Variants in ZBTB20 observed in about 807,000 individuals in gnomAD.
ZBTB20 encodes zinc finger and BTB domain containing 20.
A neutral mutation model predicts 56.9 loss-of-function variants in ZBTB20; 9 were observed. That is an observed-to-expected ratio of 0.16 (90% confidence interval 0.10 to 0.28). The LOEUF is 0.28. Among genes scored for constraint, ZBTB20 ranks in the 10% least tolerant of loss-of-function variants. The pLI, the probability that ZBTB20 is intolerant of heterozygous loss-of-function variation, is 1.00. For synonymous variants in ZBTB20, 417 were observed against 420.7 expected (o/e 0.99, Z 0.11); for missense variants, 655 against 1,003.0 (o/e 0.65, Z 4.69).
At chr3:115,143,375 C>T (rs1484866351) in intron 1 of ZBTB20, among the ~76,000 whole-genome samples, 3 of 152,218 alleles carry the variant, frequency 2.0e-5, no homozygotes, top group African/African-American at 7.2e-5. Flanking sequence ...TTGATAAAAT[C>T]ACAACTGAAA....
rs189310074 is a variant in ZBTB20, at chr3:114,748,496, T to C, written c.-343+52605A>G. Reference sequence around the variant, plus strand: ...TTTCACGAGATCCTTTTAGAGGTTCTGACACAAATAAAGTAAAAGTAAACC... The same window carrying C: ...TTTCACGAGATCCTTTTAGAGGTTCCGACACAAATAAAGTAAAAGTAAACC... On this transcript the variant is annotated intron_variant, in intron 5 of 11. Coordinates refer to ENST00000675478, the MANE Select transcript of ZBTB20 (RefSeq NM_001348800.3). Among the ~76,000 whole-genome samples, 785 of 152,048 alleles carry C rather than the reference T, an allele frequency of 5.2e-3. 2 individuals are homozygous for C. Among genetic ancestry groups the C allele is most frequent in the Non-Finnish European group, 7.9e-3 (540 of 67,994 alleles).
intron 5 of ZBTB20, among the ~76,000 whole-genome samples, chr3:114,778,281 T>G (rs1389979082): frequency 5.5e-5 from 2 of 36,690 alleles, no homozygotes; most frequent in Non-Finnish European, 9.5e-5. Context: ...ATAATAATAA[T>G]ACACATTCAA....
At position 114,324,250 on chromosome 3, in the gene ZBTB20, A is replaced by G. The variant is rs1284421008; in HGVS notation, c.*14755T>C. 1.3e-5 allele frequency: 2 copies of G among 152,226 alleles called. No individual in the cohort carries two copies. The highest frequency in any genetic ancestry group is 6.5e-5 in the Admixed American group (1 of 15,278). 9.4% of individuals were successfully genotyped at this position (152,226 alleles called of 1,614,324 possible). ...AAAGGTCAGTAGTGGTTTTTACTTA[A>G]TAGTTTTCATCATGTCAGATGGCTC... On this transcript the variant is annotated 3_prime_UTR_variant, in exon 12 of 12. Transcript: ENST00000675478.
intron 6 of ZBTB20, among the ~76,000 whole-genome samples, chr3:114,523,304 G>C (rs950585763): frequency 6.6e-6 from 1 of 152,200 alleles, no homozygotes; most frequent in African/African-American, 2.4e-5. Context: ...TACTAGACTG[G>C]TAGGTGCAAA....
intron 5 of ZBTB20, among the ~76,000 whole-genome samples, chr3:114,732,427 A>T (rs1310936610): frequency 6.6e-6 from 1 of 152,120 alleles, no homozygotes; most frequent in African/African-American, 2.4e-5. Context: ...AACAACTGAG[A>T]AGATTTATAC....
At chr3:114,577,240 C>A (rs1006425290) in intron 6 of ZBTB20, among the ~76,000 whole-genome samples, 1 of 151,142 alleles carries the variant, frequency 6.6e-6, no homozygotes, top group African/African-American at 2.5e-5. Flanking sequence ...AATGATGTAT[C>A]TAACTATGTA....
intron 4 of ZBTB20, among the ~76,000 whole-genome samples, chr3:114,876,125 T>G (rs1029135126): frequency 5.9e-5 from 9 of 151,800 alleles, no homozygotes; most frequent in South Asian, 4.2e-4. Context: ...TAGTTTGTTT[T>G]TTTTTTTTTT....
intron 5 of ZBTB20, among the ~76,000 whole-genome samples, chr3:114,698,384 T>C (rs528863974): frequency 6.6e-6 from 1 of 152,068 alleles, no homozygotes; most frequent in African/African-American, 2.4e-5. Context: ...TTTAAATAAT[T>C]TCTTATGTCT....
intron 6 of ZBTB20, among the ~76,000 whole-genome samples, chr3:114,613,134 T>C (rs757389676): frequency 2.3e-4 from 35 of 152,082 alleles, no homozygotes; most frequent in Non-Finnish European, 3.2e-4. Context: ...CACAGTTCCA[T>C]GAAGGAAAAG....
chr3:114,942,266 G>A (rs2076746033), intron 3 of ZBTB20, among the ~76,000 whole-genome samples: 1 of 145,776 alleles, frequency 6.9e-6, no homozygotes, highest in African/African-American at 2.8e-5. Flanking sequence ...TATAAATAAT[G>A]TTATTTTTGG....
intron 5 of ZBTB20, among the ~76,000 whole-genome samples, chr3:114,700,989 T>G (rs2063356561): frequency 6.6e-6 from 1 of 152,138 alleles, no homozygotes; most frequent in African/African-American, 2.4e-5. Flanking sequence ...ATTTAATAAT[T>G]TCAATGAGAG....
intron 2 of ZBTB20, among the ~76,000 whole-genome samples, chr3:115,006,712 T>G (rs1488728990): frequency 6.6e-6 from 1 of 151,784 alleles, no homozygotes; most frequent in South Asian, 2.1e-4. Context: ...GAGCCTCTTC[T>G]ACAGCATCAA....
intron 7 of ZBTB20, among the ~76,000 whole-genome samples, 156 bp downstream of exon 7, chr3:114,500,196 C>T (rs1469708539): frequency 6.6e-6 from 1 of 152,182 alleles, no homozygotes; most frequent in East Asian, 1.9e-4. Flanking sequence ...AGTATTACCA[C>T]CAACAGCATA....
intron 7 of ZBTB20, among the ~76,000 whole-genome samples, chr3:114,422,197 C>T (rs1471568975): frequency 6.6e-6 from 1 of 152,156 alleles, no homozygotes; most frequent in Non-Finnish European, 1.5e-5. Flanking sequence ...ACATCGTCTG[C>T]TCAGTCTATA....
At chr3:114,561,715 T>C (rs1260543070) in intron 6 of ZBTB20, among the ~76,000 whole-genome samples, 1 of 152,020 alleles carries the variant, frequency 6.6e-6, no homozygotes, top group Non-Finnish European at 1.5e-5. Flanking sequence ...TTAACATAAT[T>C]CCTAAGAGCC....
intron 5 of ZBTB20, among the ~76,000 whole-genome samples, chr3:114,757,366 C>T (rs2068081738): frequency 6.6e-6 from 1 of 152,174 alleles, no homozygotes; most frequent in African/African-American, 2.4e-5. Flanking sequence ...ATAAGATATA[C>T]TTAGCAAAAG....
At chr3:114,380,162 T>C (rs2084139304) in intron 10 of ZBTB20, 55 bp downstream of exon 10, 3 of 1,437,922 alleles carry the variant, frequency 2.1e-6, no homozygotes, top group Non-Finnish European at 2.7e-6. Context: ...GAACCCAGGG[T>C]AGAAGCACTA....
rs1262926717 is a variant in ZBTB20 at position 114,775,579 on chromosome 3, CTGTT to C, written c.-343+25518_-343+25521del. Among the ~76,000 whole-genome samples, 8 of 150,508 alleles carry C rather than the reference CTGTT, an allele frequency of 5.3e-5. No individual in the cohort carries two copies. The South Asian group carries it at 6.3e-4, about 12-fold the overall frequency. ...AAATTGCAGTGACTCATCAAGAAAA[CTGTT>C]TGTTTGCTCTGAGGAGCACCCTGAG... is the stretch of plus-strand genomic sequence containing the variant. On this transcript the variant is annotated intron_variant, in intron 5 of 11. Transcript: ENST00000675478.
At chr3:114,542,517 G>A (rs2049236807) in intron 6 of ZBTB20, among the ~76,000 whole-genome samples, 1 of 152,188 alleles carries the variant, frequency 6.6e-6, no homozygotes, top group South Asian at 2.1e-4. Context: ...CATTTGGGAG[G>A]ACTCCATTCC....
Sources: allele counts gnomAD v4.1 joint callset (sites outside exome capture counted in the v4.1 genomes callset), GRCh38; gene constraint gnomAD v4.1.1; transcripts MANE v1.5; gene names NCBI Gene and HGNC (gene_info 2026-07-23, HGNC 2026-07-21).